Variants in DLG2 observed in about 807,000 individuals in gnomAD.
DLG2 encodes the protein discs large MAGUK scaffold protein 2.
Under a neutral mutation model 132.5 loss-of-function variants are expected in DLG2, and 45 were observed. The observed-to-expected ratio is 0.34, with a 90% CI of 0.27 to 0.44. DLG2 has a LOEUF of 0.44. Ranked by LOEUF, DLG2 falls within the 20% of genes least tolerant of loss-of-function variation. DLG2 has a pLI of 1.00. For synonymous variants in DLG2, 424 were observed against 419.6 expected (o/e 1.01, Z -0.13); for missense variants, 1,045 against 1,196.9 (o/e 0.87, Z 1.87).
At chr11:83,652,665 C>A (rs2070950097) in intron 18 of DLG2, among the ~76,000 whole-genome samples, 2 of 152,156 alleles carry the variant, frequency 1.3e-5, no homozygotes, top group Admixed American at 1.3e-4. Context: ...AGCCACTGCG[C>A]CTAGCCTAGA....
intron 7 of DLG2, among the ~76,000 whole-genome samples, chr11:84,253,462 T>G (rs1173307042): frequency 6.6e-6 from 1 of 152,160 alleles, no homozygotes; most frequent in Admixed American, 6.5e-5. Context: ...TGTTAAATAT[T>G]ATTAGTAGTA....
chr11:84,290,043 T>C (rs1314376927), intron 7 of DLG2, among the ~76,000 whole-genome samples: 3 of 152,170 alleles, frequency 2.0e-5, no homozygotes, highest in Admixed American at 2.0e-4. Context: ...ATGTAGCCTC[T>C]AGCCTATTAT....
At chr11:83,701,340 A>G (rs1455388843) in intron 18 of DLG2, among the ~76,000 whole-genome samples, 1 of 152,184 alleles carries the variant, frequency 6.6e-6, no homozygotes, top group Non-Finnish European at 1.5e-5. Flanking sequence ...ATCCAAAGAG[A>G]TAATGTATTT....
Position 84,854,489 on chromosome 11 carries a change from C to A in DLG2, c.357+257172G>T, listed in dbSNP as rs567246967. Among the ~76,000 whole-genome samples, 33 of 152,074 alleles carry A rather than the reference C, an allele frequency of 2.2e-4. 1 individual carries two copies. The East Asian group carries it at 5.6e-3, about 26-fold the overall frequency. On this transcript the variant is annotated intron_variant, in intron 6 of 27. Coordinates refer to ENST00000376104, the MANE Select transcript of DLG2 (RefSeq NM_001142699.3). ...TACTACTTTTGGTAACAGCTAGACT[C>A]ACTGTTCAGCATTAAGTTTACCAAA... is the stretch of plus-strand genomic sequence containing the variant.
At chr11:85,521,606 AC>A (rs2074316310) in intron 3 of DLG2, among the ~76,000 whole-genome samples, 2 of 152,300 alleles carry the variant, frequency 1.3e-5, no homozygotes, top group Admixed American at 1.3e-4. Flanking sequence ...TGAGAACAAG[AC>A]AAAAAAAAAT....
chr11:83,754,741 G>A (rs1323870368), intron 18 of DLG2, among the ~76,000 whole-genome samples: 3 of 151,282 alleles, frequency 2.0e-5, no homozygotes, highest in Middle Eastern at 3.2e-3. Context: ...ACAAGATACA[G>A]GAGGAAACAA....
At chr11:84,929,018 A>C (rs12787885) in intron 6 of DLG2, among the ~76,000 whole-genome samples, 11,328 of 124,960 alleles carry the variant, frequency 0.091, 717 homozygotes, top group Middle Eastern at 0.16. Context: ...ATATATATAT[A>C]TATATATTAC....
chr11:83,626,976 A>G (rs1444500929), intron 19 of DLG2, among the ~76,000 whole-genome samples: 1 of 147,132 alleles, frequency 6.8e-6, no homozygotes, highest in Non-Finnish European at 1.5e-5. Context: ...TCCTTTGCTG[A>G]AGGCAAGCAA....
chr11:83,505,504 G>T (rs1169296651), intron 21 of DLG2, among the ~76,000 whole-genome samples: 1 of 152,198 alleles, frequency 6.6e-6, no homozygotes, highest in African/African-American at 2.4e-5. Flanking sequence ...CTCTGCTGAG[G>T]TCACCCATTG....
At chr11:84,086,638 C>T (rs2096987061) in intron 10 of DLG2, among the ~76,000 whole-genome samples, 1 of 151,744 alleles carries the variant, frequency 6.6e-6, no homozygotes, top group South Asian at 2.1e-4. Flanking sequence ...TACAGGCATG[C>T]ACCACCACAC....
chr11:84,152,531 C>T (rs112645911), intron 9 of DLG2, among the ~76,000 whole-genome samples: 3,609 of 151,852 alleles, frequency 0.024, 143 homozygotes, highest in African/African-American at 0.082. Flanking sequence ...GGACTACAGG[C>T]GCCCACCACC....
intron 6 of DLG2, among the ~76,000 whole-genome samples, chr11:84,743,334 T>C (rs975740838): frequency 2.6e-5 from 4 of 152,220 alleles, no homozygotes; most frequent in Non-Finnish European, 5.9e-5. Context: ...TATTGATTTA[T>C]AGTTCTGAAG....
chr11:83,641,507 G>T (rs1445039891), intron 18 of DLG2, among the ~76,000 whole-genome samples: 1 of 152,120 alleles, frequency 6.6e-6, no homozygotes, highest in Non-Finnish European at 1.5e-5. Flanking sequence ...CACAGAAGGG[G>T]CCCAGTCACA....
intron 3 of DLG2, among the ~76,000 whole-genome samples, chr11:85,522,377 C>T (rs1448879293): frequency 6.6e-6 from 1 of 152,142 alleles, no homozygotes; most frequent in Non-Finnish European, 1.5e-5. Flanking sequence ...CAGGGTGGGG[C>T]CCTCATGGAG....
intron 15 of DLG2, among the ~76,000 whole-genome samples, chr11:83,885,290 C>T (rs7927585): frequency 0.02 from 3,061 of 152,094 alleles, 108 homozygotes; most frequent in African/African-American, 0.069. Context: ...TCGAGAACTA[C>T]GTGAAGAATG....
chr11:84,676,374 T>C (rs2099711211), intron 6 of DLG2, among the ~76,000 whole-genome samples: 2 of 152,030 alleles, frequency 1.3e-5, no homozygotes, highest in Non-Finnish European at 2.9e-5. Flanking sequence ...TCCAATGATT[T>C]TAAAAATAAA....
At position 83,953,114 on chromosome 11, in the gene DLG2, TTA is replaced by T. The variant is rs60293260; in HGVS notation, c.1340+9769_1340+9770del. 8.1e-3 allele frequency among the ~76,000 whole-genome samples: 1,232 copies of T among 152,284 alleles called. 10 individuals carry two copies. The highest frequency in any genetic ancestry group is 0.028 in the African/African-American group (1,153 of 41,548). ...AAAAATGAACGACATAACCCAAAAC[TTA>T]TGAAATTTATAAATTGATAGTGTCG... On this transcript the variant is annotated intron_variant, in intron 14 of 27. Coordinates refer to ENST00000376104, the MANE Select transcript of DLG2 (RefSeq NM_001142699.3).
At chr11:84,787,230 C>T (rs2073057372) in intron 6 of DLG2, among the ~76,000 whole-genome samples, 1 of 152,082 alleles carries the variant, frequency 6.6e-6, no homozygotes, top group Non-Finnish European at 1.5e-5. Context: ...GGCTTCTGTA[C>T]TTTCTATTGC....
chr11:85,504,055 G>A (rs1049804368), intron 3 of DLG2, among the ~76,000 whole-genome samples: 1 of 152,148 alleles, frequency 6.6e-6, no homozygotes, highest in African/African-American at 2.4e-5. Context: ...TTTTGAGGGG[G>A]ATGTTTGATT....
Sources: allele counts gnomAD v4.1 joint callset (sites outside exome capture counted in the v4.1 genomes callset), GRCh38; gene constraint gnomAD v4.1.1; transcripts MANE v1.5; gene names NCBI Gene and HGNC (gene_info 2026-07-23, HGNC 2026-07-21).